KIAA0319L: variants seen among roughly 807,000 people sequenced by gnomAD.
KIAA0319L encodes the protein dyslexia-associated protein KIAA0319-like protein.
Under a neutral mutation model 120.1 loss-of-function variants are expected in KIAA0319L, and 55 were observed. That is an observed-to-expected ratio of 0.46 (90% CI 0.37 to 0.57). The LOEUF (loss-of-function observed/expected upper bound fraction) is 0.57, where lower values mean the gene tolerates loss of function less well. Among genes scored for constraint, KIAA0319L ranks in the 20% least tolerant of loss-of-function variants. The pLI is 0.00. For synonymous variants in KIAA0319L, 398 were observed against 471.9 expected (o/e 0.84, Z 2.03); for missense variants, 1,049 against 1,255.3 (o/e 0.84, Z 2.48).
chr1:35,436,100 A>G (rs1570588359), intron 20 of KIAA0319L, among the ~76,000 whole-genome samples: 1 of 152,170 alleles, frequency 6.6e-6, no homozygotes, highest in Non-Finnish European at 1.5e-5. Flanking sequence ...TCCAATAATC[A>G]TTCTCCCTTC....
chr1:35,492,326 C>T (rs1644627353), intron 3 of KIAA0319L, among the ~76,000 whole-genome samples: 1 of 151,870 alleles, frequency 6.6e-6, no homozygotes, highest in Non-Finnish European at 1.5e-5. Context: ...CCAGCCTGAC[C>T]AATATGGTGA....
chr1:35,442,822 T>G (rs1398767761), intron 18 of KIAA0319L, 84 bp downstream of exon 18: 1 of 1,546,584 alleles, frequency 6.5e-7, no homozygotes, highest in Non-Finnish European at 8.9e-7. Context: ...CTCATCTGCT[T>G]CAGAAACACC....
In KIAA0319L at chr1:35,497,374, A is replaced by G. The variant is rs1400133965; in HGVS notation, c.666+9238T>C. Among the ~76,000 whole-genome samples, 2 of 152,252 alleles carry G rather than the reference A, an allele frequency of 1.3e-5. 1 individual carries two copies. On this transcript the variant is annotated intron_variant, in intron 3 of 20. Coordinates refer to ENST00000325722, the MANE Select transcript of KIAA0319L (RefSeq NM_024874.5). ...AAATTATACCTCAATAAAGTCGTTA[A>G]AAAGAATACGTATGTAATGTATGAT...
At chr1:35,507,781 C>T (rs537585470) in intron 2 of KIAA0319L, among the ~76,000 whole-genome samples, 41 of 152,242 alleles carry the variant, frequency 2.7e-4, no homozygotes, top group African/African-American at 9.4e-4. Context: ...ATTTTAACCA[C>T]GAGAGCAATT....
Position 35,453,672 on chromosome 1 carries a change from G to A in KIAA0319L, c.1798C>T (p.Gln600Ter). The change falls in exon 12 of 21, where the codon CAG (glutamine) becomes TAG (stop). Residue 600 changes from glutamine (Q) to a stop codon, truncating the protein, a stop_gained. Coordinates refer to ENST00000325722, the MANE Select transcript of KIAA0319L (RefSeq NM_024874.5). LOFTEE classifies it high-confidence loss of function. The surrounding 1 kb of genome is among the most constrained non-coding windows in gnomAD (Gnocchi z 4.1). ...IVQPENNKPP[Q>*]ADAGPDKELT... is the part of the protein sequence containing the mutation. ...TCTTTATCTGGGCCTGCATCTGCCT[G>A]AGGAGGCTTATTGTTTTCTGGAAGA... 1 of 1,613,696 alleles carries A rather than the reference G, an allele frequency of 6.2e-7. No homozygotes were observed. The highest frequency in any genetic ancestry group is 1.6e-4 in the Middle Eastern group (1 of 6,062).
At chr1:35,485,888 T>G (rs1644367698) in intron 3 of KIAA0319L, among the ~76,000 whole-genome samples, 1 of 152,218 alleles carries the variant, frequency 6.6e-6, no homozygotes, top group African/African-American at 2.4e-5. Flanking sequence ...GCAGTCCTCC[T>G]ACCTCAGCCT....
intron 19 of KIAA0319L, among the ~76,000 whole-genome samples, chr1:35,441,445 G>A (rs925008025): frequency 2.6e-5 from 4 of 152,118 alleles, no homozygotes; most frequent in African/African-American, 4.8e-5. Context: ...GGGTGTGGGA[G>A]GAGACAGGCA....
At chr1:35,473,507 C>T (rs958392730) in intron 5 of KIAA0319L, among the ~76,000 whole-genome samples, 3 of 152,064 alleles carry the variant, frequency 2.0e-5, no homozygotes, top group Admixed American at 6.6e-5. Context: ...TACAGTAGAG[C>T]CAAACATGTC....
chr1:35,545,134 G>A lies in KIAA0319L; in HGVS notation c.142+9216C>T, dbSNP rs1028748252. ...CCGTGGCTAGACTACAAAGGCATGCGGCAAGACCACATGATGTTTATTAAC... is the reference window on the plus strand; with the variant it reads ...CCGTGGCTAGACTACAAAGGCATGCAGCAAGACCACATGATGTTTATTAAC... On this transcript the variant is annotated intron_variant, in intron 2 of 20. Coordinates refer to ENST00000325722, the MANE Select transcript of KIAA0319L (RefSeq NM_024874.5). Among the ~76,000 whole-genome samples the A allele has an allele frequency of 1.9e-4, 29 of 152,220 alleles. No homozygotes were observed. In the Middle Eastern group the frequency reaches 0.01, roughly 54 times the overall value.
intron 3 of KIAA0319L, among the ~76,000 whole-genome samples, chr1:35,487,999 A>G (rs1397103334): frequency 6.6e-6 from 1 of 152,172 alleles, no homozygotes; most frequent in Admixed American, 6.5e-5. Context: ...AAATTTTCAG[A>G]TGCTTTTTCT....
At chr1:35,501,055 T>C (rs1012053044) in intron 3 of KIAA0319L, among the ~76,000 whole-genome samples, 1 of 152,102 alleles carries the variant, frequency 6.6e-6, no homozygotes, top group Non-Finnish European at 1.5e-5. Flanking sequence ...GGTTCATAGT[T>C]CAAATTCAAT....
At chr1:35,515,502 T>C (rs992091221) in intron 2 of KIAA0319L, among the ~76,000 whole-genome samples, 2 of 152,112 alleles carry the variant, frequency 1.3e-5, no homozygotes, top group Non-Finnish European at 2.9e-5. Flanking sequence ...CAAGAAGTTA[T>C]TTGAAACTAA....
intron 3 of KIAA0319L, among the ~76,000 whole-genome samples, chr1:35,493,216 C>T (rs1443576441): frequency 6.6e-6 from 1 of 151,982 alleles, no homozygotes; most frequent in African/African-American, 2.4e-5. Context: ...GACCAATATA[C>T]AAAAAGTAAT....
intron 3 of KIAA0319L, among the ~76,000 whole-genome samples, chr1:35,481,305 A>C (rs1019898194): frequency 6.6e-6 from 1 of 152,248 alleles, no homozygotes; most frequent in African/African-American, 2.4e-5. Flanking sequence ...GTAGTTACTT[A>C]GGAGAATTGC....
At position 35,557,310 on chromosome 1, in the gene KIAA0319L, G is replaced by A. The variant is rs1199314845; in HGVS notation, c.-132C>T. 1 of 231,718 alleles carries A rather than the reference G, an allele frequency of 4.3e-6. No individual in the cohort carries two copies. Among genetic ancestry groups the A allele is most frequent in the Non-Finnish European group, 8.8e-6 (1 of 113,542 alleles). 14.4% of individuals were successfully genotyped at this position (231,718 alleles called of 1,614,324 possible). On this transcript the variant is annotated 5_prime_UTR_variant, in exon 1 of 21. Coordinates refer to ENST00000325722, the MANE Select transcript of KIAA0319L (RefSeq NM_024874.5). ...CAACCTTCGCTCCCCTCACCCGGAG[G>A]AGGAGGAGGAAGAGGAAGAAGGTAG...
chr1:35,476,939 T>C (rs993610286), intron 4 of KIAA0319L, among the ~76,000 whole-genome samples: 1 of 152,242 alleles, frequency 6.6e-6, no homozygotes, highest in African/African-American at 2.4e-5. Flanking sequence ...GAAGCACAGA[T>C]TTATTTATAC....
intron 3 of KIAA0319L, among the ~76,000 whole-genome samples, chr1:35,479,730 C>A (rs1644065355): frequency 6.6e-6 from 1 of 151,796 alleles, no homozygotes; most frequent in Non-Finnish European, 1.5e-5. Context: ...TATGGCGAGA[C>A]CCTGTCTCTA....
In KIAA0319L at chr1:35,437,724, C is replaced by G. The variant is rs1272951041; in HGVS notation, c.2963-2643G>C. 6.6e-6 allele frequency among the ~76,000 whole-genome samples: 1 copy of G among 152,172 alleles called. No individual in the cohort carries two copies. The highest frequency in any genetic ancestry group is 1.5e-5 in the Non-Finnish European group (1 of 68,026). On this transcript the variant is annotated intron_variant, in intron 20 of 20. Coordinates refer to ENST00000325722, the MANE Select transcript of KIAA0319L (RefSeq NM_024874.5). The surrounding 1 kb of genome is among the most constrained non-coding windows in gnomAD (Gnocchi z 4.1). Reference sequence around the variant, plus strand: ...GGATGGTCATTCTTGGGGTCCTCAACCCTAGGCCTCTTCTTTTGTCCTTCA... The same window carrying G: ...GGATGGTCATTCTTGGGGTCCTCAAGCCTAGGCCTCTTCTTTTGTCCTTCA...
In KIAA0319L at chr1:35,526,357, G is replaced by GTA. The variant is rs1214425726; in HGVS notation, c.143-19224_143-19223dup. ...TATGTATATATGTACGTGTGTGTGT[G>GTA]TATATATATACATACATATATATAT... On this transcript the variant is annotated intron_variant, in intron 2 of 20. Coordinates refer to ENST00000325722, the MANE Select transcript of KIAA0319L (RefSeq NM_024874.5). 9.4e-5 allele frequency among the ~76,000 whole-genome samples: 13 copies of GTA among 137,634 alleles called. No individual in the cohort carries two copies. In the East Asian group the frequency reaches 1.6e-3, roughly 17 times the overall value. The allele number at this position is 137,634 out of a possible 152,430, so 90.3% of individuals were successfully genotyped here.
Sources: gnomAD v4.1 joint callset for allele counts (sites outside exome capture counted in the v4.1 genomes callset) on GRCh38, gnomAD v4.1.1 for gene constraint, Gnocchi (gnomAD v3.1) non-coding constraint, MANE v1.5 for transcripts, NCBI Gene and HGNC (gene_info 2026-07-23, HGNC 2026-07-21) for gene names.